BCL9: variants seen among roughly 807,000 people sequenced by gnomAD.
BCL9 encodes BCL9 transcription coactivator, also known as B-cell CLL/lymphoma 9 protein.
BCL9 carries 25 observed loss-of-function variants against 88.5 expected under a neutral mutation model. That is an observed-to-expected ratio of 0.28 (90% CI 0.21 to 0.39). The LOEUF (loss-of-function observed/expected upper bound fraction) is 0.39. Ranked by LOEUF, BCL9 falls within the 10% of genes least tolerant of loss-of-function variation. The probability of loss-of-function intolerance (pLI) is 1.00; values close to 1 mark genes in which losing one functional copy is unlikely to be tolerated. For synonymous variants in BCL9, 711 were observed against 673.3 expected (o/e 1.06, Z -0.87); for missense variants, 1,817 against 1,877.8 (o/e 0.97, Z 0.60).
chr1:147,570,385 G>C (rs1553197242), intron 1 of BCL9, among the ~76,000 whole-genome samples: 2 of 152,144 alleles, frequency 1.3e-5, no homozygotes, highest in Non-Finnish European at 2.9e-5. Context: ...TCCACAAAGA[G>C]GTTGGGCAAG....
At chr1:147,592,648 G>A (rs1258487518) in intron 1 of BCL9, among the ~76,000 whole-genome samples, 1 of 151,950 alleles carries the variant, frequency 6.6e-6, no homozygotes, top group Non-Finnish European at 1.5e-5. Context: ...AGTGATGTTG[G>A]GTGTGAGAAT....
intron 9 of BCL9, among the ~76,000 whole-genome samples, chr1:147,623,527 T>C (rs1658758457): frequency 6.6e-6 from 1 of 152,238 alleles, no homozygotes; most frequent in Admixed American, 6.5e-5. Flanking sequence ...TGTTTTCTTC[T>C]GTATTAAATA....
intron 1 of BCL9, among the ~76,000 whole-genome samples, chr1:147,585,801 A>G (rs1656572965): frequency 6.6e-6 from 1 of 152,168 alleles, no homozygotes; most frequent in African/African-American, 2.4e-5. Context: ...TGCTCTTCGC[A>G]GCACTCCCAA....
intron 1 of BCL9, among the ~76,000 whole-genome samples, chr1:147,575,516 A>G (rs932790864): frequency 6.6e-6 from 1 of 151,678 alleles, no homozygotes; most frequent in East Asian, 1.9e-4. Context: ...TTTGAACCCA[A>G]CTCTGTGTGA....
chr1:147,598,843 TATA>T (rs1331344933), intron 1 of BCL9, among the ~76,000 whole-genome samples: 6 of 152,184 alleles, frequency 3.9e-5, no homozygotes, highest in African/African-American at 1.4e-4. Flanking sequence ...CAGACAGATC[TATA>T]ATAACGGTTG....
At chr1:147,605,904 A>C (rs1318829127) in intron 2 of BCL9, among the ~76,000 whole-genome samples, 1 of 152,210 alleles carries the variant, frequency 6.6e-6, no homozygotes, top group Non-Finnish European at 1.5e-5. Context: ...TAGAGCAGGG[A>C]AATGGGAAAG....
intron 9 of BCL9, 151 bp from the exon 10 acceptor site, chr1:147,623,691 A>G (rs1658768222): frequency 3.5e-6 from 3 of 864,648 alleles, no homozygotes; most frequent in Non-Finnish European, 5.2e-6. Context: ...ATGTATTATG[A>G]TCTTATTGAT....
At position 147,620,204 on chromosome 1, in the gene BCL9, G is replaced by A. The variant is rs1344335697; in HGVS notation, c.2049G>A (p.Glu683=). Residue 683 remains glutamate, a synonymous_variant, in exon 8 of 10, where the codon GAG becomes GAA. Coordinates refer to ENST00000234739, the MANE Select transcript of BCL9 (RefSeq NM_004326.4). ...CCATTTTCCCTCGAATACCAGTTGA[G>A]GGCCCTCTGAGTCCTTCTAGGGGTG... ...NNPIFPRIPV[E]GPLSPSRGDF... is the part of the protein sequence containing the mutation. 9 of 1,613,964 alleles carry A rather than the reference G, an allele frequency of 5.6e-6. No homozygotes were observed. The highest frequency in any genetic ancestry group is 7.6e-6 in the Non-Finnish European group (9 of 1,179,970).
chr1:147,578,603 C>T (rs1274829649), intron 1 of BCL9, among the ~76,000 whole-genome samples: 1 of 152,184 alleles, frequency 6.6e-6, no homozygotes, highest in Non-Finnish European at 1.5e-5. Flanking sequence ...ACTAGGCATT[C>T]AGAAAATGGT....
Position 147,622,479 on chromosome 1 carries a change from C to T in BCL9, c.3111C>T (p.Asp1037=), listed in dbSNP as rs781855527. The T allele has an allele frequency of 1.1e-5, 18 of 1,614,032 alleles. No homozygotes were observed. Among genetic ancestry groups the T allele is most frequent in the South Asian group, 3.3e-5 (3 of 91,086 alleles). Residue 1037 remains aspartate (D), a synonymous_variant, in exon 9 of 10, where the codon GAC becomes GAT. Coordinates refer to ENST00000234739, the MANE Select transcript of BCL9 (RefSeq NM_004326.4). The stretch of plus-strand genomic sequence containing the variant: ...TCAAGACTGTGGCCAGCTCAGATGA[C>T]GACTCCCCTCCAGCTCGTTCTCCCA... ...DAIKTVASSD[D]DSPPARSPNL... is the part of the protein sequence containing the mutation.
chr1:147,620,581 G>A lies in BCL9; in HGVS notation c.2426G>A (p.Arg809Lys). 1 of 1,614,190 alleles carries A rather than the reference G, an allele frequency of 6.2e-7. No individual in the cohort carries two copies. Among genetic ancestry groups the A allele is most frequent in the Admixed American group, 1.7e-5 (1 of 60,032 alleles). Residue 809 changes from arginine to lysine, a missense_variant, in exon 8 of 10, where the codon AGG (arginine) becomes AAG (lysine). By Grantham distance (26) the Arg-to-Lys change is conservative. This residue lies in a region of BCL9 where 1,228 missense variants were observed against 1,191.6 expected (regional missense o/e 1.03). Coordinates refer to ENST00000234739, the MANE Select transcript of BCL9 (RefSeq NM_004326.4). ...AGAGAACCAATTGGGCCCGACCAGAGGACTAACAGCCGGCTCAGTCATATG... is the reference window on the plus strand; with the variant it reads ...AGAGAACCAATTGGGCCCGACCAGAAGACTAACAGCCGGCTCAGTCATATG... ...NLREPIGPDQ[R>K]TNSRLSHMPP...
chr1:147,607,932 G>A (rs1657805067), intron 3 of BCL9, among the ~76,000 whole-genome samples: 1 of 152,154 alleles, frequency 6.6e-6, no homozygotes, highest in Middle Eastern at 3.2e-3. Context: ...GAGAGAACTT[G>A]CAGCATGAGA....
In BCL9 at chr1:147,624,396, A is replaced by T; in HGVS notation, c.3718A>T (p.Ile1240Phe). The change falls in exon 10 of 10, where the codon ATT becomes TTT. Residue 1240 changes from isoleucine (I) to phenylalanine (F), a missense_variant. Coordinates refer to ENST00000234739, the MANE Select transcript of BCL9 (RefSeq NM_004326.4). The surrounding 1 kb of genome is among the most constrained non-coding windows in gnomAD (Gnocchi z 4.4). ...GIPEFDLSRI[I>F]PSEKPSQTLQ... is the part of the protein sequence containing the mutation. ...ACCTGAGTTTGATCTATCCCGCATT[A>T]TTCCATCTGAGAAGCCCAGCCAGAC... 1 of 1,614,200 alleles carries T rather than the reference A, an allele frequency of 6.2e-7. No individual in the cohort carries two copies. The highest frequency in any genetic ancestry group is 1.3e-5 in the African/African-American group (1 of 75,062).
At chr1:147,567,412 A>G (rs1553196863) in intron 1 of BCL9, among the ~76,000 whole-genome samples, 2 of 152,216 alleles carry the variant, frequency 1.3e-5, no homozygotes, top group Non-Finnish European at 2.9e-5. Context: ...GCTTTGTACA[A>G]TTGTAGATAA....
intron 1 of BCL9, among the ~76,000 whole-genome samples, chr1:147,550,373 A>T (rs1473286752): frequency 2.6e-5 from 4 of 152,212 alleles, no homozygotes; most frequent in African/African-American, 9.7e-5. Flanking sequence ...AATTAAGGCT[A>T]ACTAGATTAC....
Position 147,620,307 on chromosome 1 carries a change from G to A in BCL9, c.2152G>A (p.Gly718Arg), listed in dbSNP as rs782253325. The A allele has an allele frequency of 4.3e-6, 7 of 1,614,086 alleles. No homozygotes were observed. The African/African-American group carries it at 9.3e-5, about 22-fold the overall frequency. ...EFGMVPSGMKGDVNLNVNMGS... is the reference protein window; with the variant it reads ...EFGMVPSGMKRDVNLNVNMGS... The stretch of plus-strand genomic sequence containing the variant: ...TGGGATGGTTCCTAGTGGGATGAAG[G>A]GAGATGTCAATCTAAATGTCAACAT... The change falls in exon 8 of 10, where the codon GGA becomes AGA. Residue 718 changes from glycine to arginine, a missense_variant. Around this residue, in one of 2 missense-constraint regions of BCL9, gnomAD observed 1,228 missense variants for 1,191.6 expected, o/e 1.03. Transcript: ENST00000234739.
chr1:147,556,054 A>C (rs1223217319), intron 1 of BCL9, among the ~76,000 whole-genome samples: 2 of 152,190 alleles, frequency 1.3e-5, no homozygotes, highest in African/African-American at 4.8e-5. Flanking sequence ...AGAGTAGCCT[A>C]CTACTAGCAG....
At position 147,554,858 on chromosome 1, in the gene BCL9, T is replaced by C. The variant is rs587643698; in HGVS notation, c.-478+13184T>C. On this transcript the variant is annotated intron_variant, in intron 1 of 9. Transcript: ENST00000234739. The stretch of plus-strand genomic sequence containing the variant: ...CTGGACTGTGCTGGTTGAGTATTGG[T>C]TGTTGAGAGTGCTTGCCTCAGGGGC... 1.7e-4 allele frequency among the ~76,000 whole-genome samples: 26 copies of C among 152,280 alleles called. No individual in the cohort carries two copies. The South Asian group carries it at 5.0e-3, about 29-fold the overall frequency.
Position 147,611,636 on chromosome 1 carries a change from C to G in BCL9, c.-201C>G. 1 of 581,826 alleles carries G rather than the reference C, an allele frequency of 1.7e-6. No homozygotes were observed. The allele number at this position is 581,826 out of a possible 1,614,324, so 36.0% of individuals were successfully genotyped here. A position where few individuals can be genotyped will look rare whatever the true frequency, so the allele number is the denominator to read the frequency against. On this transcript the variant is annotated 5_prime_UTR_variant, in exon 4 of 10. Transcript: ENST00000234739. ...GCAGGAGGCACGCACCCAGAGAATG[C>G]TGGAGCTGCAAGGGGAAAGGACCCA...
Sources: allele counts gnomAD v4.1 joint callset (sites outside exome capture counted in the v4.1 genomes callset), GRCh38; gene constraint gnomAD v4.1.1; regional missense constraint gnomAD v4.1.1; non-coding constraint Gnocchi (gnomAD v3.1); transcripts MANE v1.5; gene names NCBI Gene and HGNC (gene_info 2026-07-23, HGNC 2026-07-21).